The following CCNF variants were observed in gnomAD, a reference collection of about 807,000 sequenced individuals.
CCNF encodes cyclin F, also known as cyclin-F.
Under a neutral mutation model 85.4 loss-of-function variants are expected in CCNF, and 30 were observed. That is an observed-to-expected ratio of 0.35 (90% CI 0.26 to 0.48). The LOEUF (loss-of-function observed/expected upper bound fraction) is 0.48. Among genes scored for constraint, CCNF ranks in the 20% least tolerant of loss-of-function variants. The probability of loss-of-function intolerance (pLI) is 0.99; values close to 1 mark genes in which losing one functional copy is unlikely to be tolerated. For synonymous variants in CCNF, 439 were observed against 425.1 expected (o/e 1.03, Z -0.40); for missense variants, 919 against 1,010.4 (o/e 0.91, Z 1.23).
At chr16:2,443,449 T>G (rs1369370639) in intron 8 of CCNF, among the ~76,000 whole-genome samples, 200 bp from the exon 9 acceptor site, 1 of 151,998 alleles carries the variant, frequency 6.6e-6, no homozygotes, top group Non-Finnish European at 1.5e-5. Context: ...ATATATCTTT[T>G]CTCATGTCAT....
chr16:2,457,088 C>A lies in CCNF; in HGVS notation c.*68C>A. 1 of 1,168,114 alleles carries A rather than the reference C, an allele frequency of 8.6e-7. No individual in the cohort carries two copies. The highest frequency in any genetic ancestry group is 1.2e-6 in the Non-Finnish European group (1 of 828,208). The allele number at this position is 1,168,114 out of a possible 1,614,324, so 72.4% of individuals were successfully genotyped here. A position where few individuals can be genotyped will look rare whatever the true frequency, so the allele number is the denominator to read the frequency against. On this transcript the variant is annotated 3_prime_UTR_variant, in exon 17 of 17. Transcript: ENST00000397066. ...CTGGAGGCGAAGGGTGGGAGCATAG[C>A]ATAGGAACGCTGCATAGACCATGGA...
intron 3 of CCNF, 121 bp downstream of exon 3, chr16:2,433,188 C>G: frequency 4.6e-6 from 3 of 649,300 alleles, no homozygotes; most frequent in South Asian, 1.8e-5. Context: ...ATGACATTGC[C>G]TCATACCCTG....
At chr16:2,439,077 C>T (rs1459463984) in intron 6 of CCNF, among the ~76,000 whole-genome samples, 1 of 151,838 alleles carries the variant, frequency 6.6e-6, no homozygotes, top group Non-Finnish European at 1.5e-5. Flanking sequence ...GTGGGTGGAT[C>T]ACCTGAGGCC....
chr16:2,447,869 G>C (rs191728753), intron 10 of CCNF, among the ~76,000 whole-genome samples: 24 of 152,258 alleles, frequency 1.6e-4, no homozygotes, highest in African/African-American at 5.8e-4. Flanking sequence ...CTGACATCTT[G>C]TCTTTTTGGC....
At chr16:2,432,411 C>T (rs962309239) in intron 2 of CCNF, among the ~76,000 whole-genome samples, 2 of 152,134 alleles carry the variant, frequency 1.3e-5, no homozygotes, top group African/African-American at 4.8e-5. Context: ...CCAGGGGGTG[C>T]TGAATTTCCA....
Position 2,437,313 on chromosome 16 carries a change from G to C in CCNF, c.531G>C (p.Gln177His). Reference sequence around the variant, plus strand: ...ACGAGAGCCTCAGGGCAGAGTGCCAGCTGCAGAGGGTGAGTCTGGGCGAGG... The same window carrying C: ...ACGAGAGCCTCAGGGCAGAGTGCCACCTGCAGAGGGTGAGTCTGGGCGAGG... Reference protein sequence around the residue: ...VVHESLRAECQLQRTHKASIL... With the variant: ...VVHESLRAECHLQRTHKASIL... The change falls in exon 5 of 17, where the codon CAG becomes CAC. Residue 177 changes from glutamine (Q) to histidine (H), a missense_variant. Gln to His is a conservative substitution (Grantham distance 24). Coordinates refer to ENST00000397066, the MANE Select transcript of CCNF (RefSeq NM_001761.3). 6.3e-7 allele frequency: 1 copy of C among 1,589,170 alleles called. No individual in the cohort carries two copies. The highest frequency in any genetic ancestry group is 8.6e-7 in the Non-Finnish European group (1 of 1,167,868).
At chr16:2,434,452 A>C (rs1479149906) in intron 3 of CCNF, among the ~76,000 whole-genome samples, 1 of 152,170 alleles carries the variant, frequency 6.6e-6, no homozygotes, top group African/African-American at 2.4e-5. Context: ...GTCTCTACTA[A>C]AAATACAAAA....
Position 2,452,925 on chromosome 16 carries a change from A to T in CCNF, c.1488-285A>T, listed in dbSNP as rs1294182986. On this transcript the variant is annotated intron_variant, in intron 13 of 16. Transcript: ENST00000397066. This position sits in a 1 kb window ranked among gnomAD's most constrained non-coding sequence, Gnocchi z 4.1. ...TCCCCTGCATGGACCACATGTGTTTATCCATCCCGCAGCTGGTGGACATTT... is the reference window on the plus strand; with the variant it reads ...TCCCCTGCATGGACCACATGTGTTTTTCCATCCCGCAGCTGGTGGACATTT... 2.1e-6 allele frequency: 1 copy of T among 485,328 alleles called. No individual in the cohort carries two copies. Among genetic ancestry groups the T allele is most frequent in the Admixed American group, 3.4e-5 (1 of 29,034 alleles). 30.1% of individuals were successfully genotyped at this position (485,328 alleles called of 1,614,324 possible). A position where few individuals can be genotyped will look rare whatever the true frequency, so the allele number is the denominator to read the frequency against.
At chr16:2,439,721 C>T (rs1323323983) in intron 7 of CCNF, 28 bp from the exon 8 acceptor site, 2 of 1,602,902 alleles carry the variant, frequency 1.2e-6, no homozygotes, top group Non-Finnish European at 1.7e-6. Flanking sequence ...CACAGTTGTA[C>T]AAAGGCTCGG....
Position 2,453,352 on chromosome 16 carries a change from G to C in CCNF, c.1587+43G>C. ...CCTGGGCGTCTCATGGGGTGCTGGG[G>C]TGTGGGCGGGCCTCACCCTCGGGGC... On this transcript the variant is annotated intron_variant, in intron 14 of 16. Transcript: ENST00000397066. This position sits in a 1 kb window ranked among gnomAD's most constrained non-coding sequence, Gnocchi z 5.6. 6.2e-7 allele frequency: 1 copy of C among 1,613,780 alleles called. No individual in the cohort carries two copies. The highest frequency in any genetic ancestry group is 8.5e-7 in the Non-Finnish European group (1 of 1,179,950).
chr16:2,434,468 C>T (rs1402134672), intron 3 of CCNF, among the ~76,000 whole-genome samples: 1 of 152,050 alleles, frequency 6.6e-6, no homozygotes. Flanking sequence ...CAAAAATTAG[C>T]TGGGTGGTGG....
chr16:2,443,102 T>G (rs1390263924), intron 8 of CCNF, among the ~76,000 whole-genome samples: 2 of 133,096 alleles, frequency 1.5e-5, no homozygotes, highest in African/African-American at 5.6e-5. Flanking sequence ...TAGATATTTT[T>G]ATATATAATA....
At chr16:2,429,575 C>G (rs570979566) in intron 1 of CCNF, 78 bp downstream of exon 1, 2 of 1,193,814 alleles carry the variant, frequency 1.7e-6, no homozygotes, top group South Asian at 8.4e-5. Flanking sequence ...GTGGGTCCCG[C>G]GGGAGGGGAG....
At chr16:2,429,740 C>T (rs2065253331) in intron 1 of CCNF, among the ~76,000 whole-genome samples, 1 of 152,126 alleles carries the variant, frequency 6.6e-6, no homozygotes, top group Non-Finnish European at 1.5e-5. Context: ...GTTTTCCGGC[C>T]CTTTCCTGGG....
chr16:2,445,275 T>C, intron 9 of CCNF, 183 bp from the exon 10 acceptor site: 1 of 646,030 alleles, frequency 1.5e-6, no homozygotes, highest in Non-Finnish European at 2.7e-6. Flanking sequence ...GCTTTGGGGC[T>C]GGGACCCACG....
At chr16:2,449,571 G>C (rs962701603) in intron 12 of CCNF, 109 bp downstream of exon 12, 48 of 1,144,984 alleles carry the variant, frequency 4.2e-5, no homozygotes, top group Admixed American at 9.9e-5. Flanking sequence ...GTTACTTCTT[G>C]GGGGGTGAGA....
rs375380091 is a variant in CCNF at position 2,443,373 on chromosome 16, C to A, written c.778-276C>A. 5.3e-5 allele frequency among the ~76,000 whole-genome samples: 8 copies of A among 151,422 alleles called. No homozygotes were observed. The East Asian group carries it at 7.7e-4, about 15-fold the overall frequency. On this transcript the variant is annotated intron_variant, in intron 8 of 16. Transcript: ENST00000397066. ...ATGGCCAGAGACTTAACACAGCTTC[C>A]CCAGGCATTAGCCATGTAAGAAACT...
intron 1 of CCNF, chr16:2,430,879 C>G: frequency 1.6e-6 from 1 of 641,752 alleles, no homozygotes; most frequent in Non-Finnish European, 2.9e-6. Context: ...AGTTACATGA[C>G]ATGCGCTATT....
At position 2,449,372 on chromosome 16, in the gene CCNF, C is replaced by A. The variant is rs1454827264; in HGVS notation, c.1309C>A (p.Leu437Ile). The change falls in exon 12 of 17, where the codon CTC becomes ATC. Residue 437 changes from leucine to isoleucine, a missense_variant. Physicochemically the swap from Leu to Ile is conservative, Grantham distance 5. Around this residue, in one of 3 missense-constraint regions of CCNF, gnomAD observed 505 missense variants for 514.8 expected, o/e 0.98. Transcript: ENST00000397066. ...TQHLCSFLCE[L>I]SLLHTSLSAY... ...GCACCTGTGCAGCTTCCTCTGCGAG[C>A]TCTCCCTGCTGCACACCAGCCTGTC... 6.2e-7 allele frequency: 1 copy of A among 1,613,204 alleles called. No individual in the cohort carries two copies. Among genetic ancestry groups the A allele is most frequent in the Non-Finnish European group, 8.5e-7 (1 of 1,179,954 alleles).
Sources: allele counts gnomAD v4.1 joint callset (sites outside exome capture counted in the v4.1 genomes callset), GRCh38; gene constraint gnomAD v4.1.1; regional missense constraint gnomAD v4.1.1; non-coding constraint Gnocchi (gnomAD v3.1); transcripts MANE v1.5; gene names NCBI Gene and HGNC (gene_info 2026-07-23, HGNC 2026-07-21).